Variants in OR6N1 observed in about 807,000 individuals in gnomAD.
The protein encoded by OR6N1 is olfactory receptor 6N1.
For missense variants in OR6N1, 394 were observed against 371.7 expected (o/e 1.06, Z -0.49); for synonymous variants, 170 against 150.7 (o/e 1.13, Z -0.94).
the OR6N1 span, among the ~76,000 whole-genome samples, chr1:158,780,816 C>T: frequency 1.3e-5 from 2 of 152,276 alleles, no homozygotes; most frequent in Admixed American, 1.3e-4. Context: ...TTTTAGAAAC[C>T]TCTGCCTTCT....
At chr1:158,769,160 T>TTTATTA (rs368084077) in intron 1 of OR6N1, among the ~76,000 whole-genome samples, 4 of 151,650 alleles carry the variant, frequency 2.6e-5, no homozygotes, top group African/African-American at 7.3e-5. Flanking sequence ...GAACACATAA[T>TTTATTA]TTATTATTAT....
At chr1:158,834,440 T>C in the OR6N1 span, among the ~76,000 whole-genome samples, 1 of 151,988 alleles carries the variant, frequency 6.6e-6, no homozygotes, top group Non-Finnish European at 1.5e-5. Flanking sequence ...ACCGTGTTTA[T>C]CAATTTTTAT....
In OR6N1 at chr1:158,769,095, A is replaced by G. The variant is rs75409288; in HGVS notation, c.-18-2395T>C. Among the ~76,000 whole-genome samples the G allele has an allele frequency of 5.4e-3, 821 of 152,292 alleles. 5 individuals carry two copies. Among genetic ancestry groups the G allele is most frequent in the Middle Eastern group, 0.017 (5 of 294 alleles). Reference sequence around the variant, plus strand: ...AAGATAACTGCTAATTTGCATATGCAGTAGGAGTTACAAGCCATGGGCTGG... The same window carrying G: ...AAGATAACTGCTAATTTGCATATGCGGTAGGAGTTACAAGCCATGGGCTGG... On this transcript the variant is annotated intron_variant, in intron 1 of 1. Coordinates refer to ENST00000641846, the MANE Select transcript of OR6N1 (RefSeq NM_001005185.2).
the OR6N1 span, among the ~76,000 whole-genome samples, chr1:158,793,172 TC>T: frequency 6.6e-6 from 1 of 151,938 alleles, no homozygotes; most frequent in African/African-American, 2.4e-5. Flanking sequence ...TTTATGCATA[TC>T]CTGAAGTTTT....
chr1:158,788,786 C>A, the OR6N1 span, among the ~76,000 whole-genome samples: 1 of 152,094 alleles, frequency 6.6e-6, no homozygotes, highest in African/African-American at 2.4e-5. Context: ...GTTTTGTACC[C>A]ATTAATCAAT....
chr1:158,808,121 CTTTTTTTTTTTTTTTTTTT>C, the OR6N1 span, among the ~76,000 whole-genome samples: 24 of 39,574 alleles, frequency 6.1e-4, no homozygotes, highest in African/African-American at 1.4e-3. Flanking sequence ...CAATGACTGC[CTTTTTTTTTTTTTTTTTTT>C]TTTTTTTTTT....
the OR6N1 span, among the ~76,000 whole-genome samples, chr1:158,784,406 ACATTTCTTTATGGTGAAAC>A: frequency 2.0e-5 from 3 of 152,200 alleles, no homozygotes; most frequent in Admixed American, 1.3e-4. Flanking sequence ...CATATTTGTA[ACATTTCTTTATGGTGAAAC>A]CATTCAAAAT....
chr1:158,778,697 G>C, the OR6N1 span, among the ~76,000 whole-genome samples: 1 of 152,114 alleles, frequency 6.6e-6, no homozygotes, highest in African/African-American at 2.4e-5. Flanking sequence ...AGATGGGTTA[G>C]GGTGGTTAGC....
the OR6N1 span, among the ~76,000 whole-genome samples, chr1:158,817,681 C>G: frequency 4.4e-3 from 666 of 152,256 alleles, 8 homozygotes; most frequent in South Asian, 8.1e-3. Flanking sequence ...AGGAGACATG[C>G]CTACCTGTGG....
chr1:158,818,118 C>T, the OR6N1 span, among the ~76,000 whole-genome samples: 1 of 152,124 alleles, frequency 6.6e-6, no homozygotes, highest in Non-Finnish European at 1.5e-5. Flanking sequence ...TACTAAATAC[C>T]AAACCATCTC....
At chr1:158,769,099 G>A (rs533077145) in intron 1 of OR6N1, among the ~76,000 whole-genome samples, 30 of 152,228 alleles carry the variant, frequency 2.0e-4, no homozygotes, top group Non-Finnish European at 3.1e-4. Context: ...ATATGCAGTA[G>A]GAGTTACAAG....
At chr1:158,805,006 A>G in the OR6N1 span, among the ~76,000 whole-genome samples, 1 of 152,220 alleles carries the variant, frequency 6.6e-6, no homozygotes, top group East Asian at 1.9e-4. Context: ...AACTTCACAC[A>G]TAAGATGAAT....
the OR6N1 span, among the ~76,000 whole-genome samples, chr1:158,832,804 A>G: frequency 6.6e-6 from 1 of 151,952 alleles, no homozygotes; most frequent in African/African-American, 2.4e-5. Context: ...CTTTATTTGT[A>G]CTTTGTCAAC....
At chr1:158,833,719 A>T in the OR6N1 span, among the ~76,000 whole-genome samples, 1 of 152,206 alleles carries the variant, frequency 6.6e-6, no homozygotes. Flanking sequence ...TAAAATACGT[A>T]AGAAACCATA....
the OR6N1 span, among the ~76,000 whole-genome samples, chr1:158,835,847 T>C: frequency 6.6e-6 from 1 of 152,202 alleles, no homozygotes; most frequent in South Asian, 2.1e-4. Context: ...CTATTTAATT[T>C]TGTCAAATGC....
chr1:158,766,721 G>A, intron 1 of OR6N1, 21 bp from the exon 2 acceptor site: 2 of 1,491,556 alleles, frequency 1.3e-6, no homozygotes, highest in South Asian at 2.5e-5. Flanking sequence ...AGTGTGGAAG[G>A]ATAGGAAAGA....
rs148423405 is a variant in OR6N1 at position 158,766,555 on chromosome 1, A to G, written c.128T>C (p.Leu43Pro). ...LIYLMTVLGN[L>P]LIFLVVCLDS... is the part of the protein sequence containing the mutation. ...CAGGCAGACCACCAGGAATATCAGCAGGTTTCCCAACACAGTCATGAGGTA... is the reference window on the plus strand; with the variant it reads ...CAGGCAGACCACCAGGAATATCAGCGGGTTTCCCAACACAGTCATGAGGTA... Residue 43 changes from leucine (L) to proline (P), a missense_variant, in exon 2 of 2, where the codon CTG becomes CCG. Physicochemically the swap from Leu to Pro is moderately conservative, Grantham distance 98 (BLOSUM62 -3). Transcript: ENST00000641846. The G allele has an allele frequency of 3.1e-6, 5 of 1,614,140 alleles. No individual in the cohort carries two copies. Among genetic ancestry groups the G allele is most frequent in the Middle Eastern group, 1.6e-4 (1 of 6,062 alleles).
chr1:158,777,635 T>C, the OR6N1 span: 2 of 1,597,258 alleles, frequency 1.3e-6, no homozygotes, highest in Non-Finnish European at 1.7e-6. Context: ...TATTGATCCA[T>C]GGGAGGCTGA....
chr1:158,797,398 G>A, the OR6N1 span, among the ~76,000 whole-genome samples: 1 of 152,260 alleles, frequency 6.6e-6, no homozygotes, highest in East Asian at 1.9e-4. Flanking sequence ...ATAAAAATCC[G>A]ATTCTATCAC....
Sources: gnomAD v4.1 joint callset for allele counts (sites outside exome capture counted in the v4.1 genomes callset) on GRCh38, gnomAD v4.1.1 for gene constraint, MANE v1.5 for transcripts, NCBI Gene and HGNC (gene_info 2026-07-23, HGNC 2026-07-21) for gene names.